FLNC: variants seen among roughly 807,000 people sequenced by gnomAD.
FLNC encodes the protein filamin-C.
A neutral mutation model predicts 254.3 loss-of-function variants in FLNC; 91 were observed. That is an observed-to-expected ratio of 0.36 (90% CI 0.30 to 0.43). The LOEUF (loss-of-function observed/expected upper bound fraction) is 0.43. Among genes scored for constraint, FLNC ranks in the 20% least tolerant of loss-of-function variants. The pLI is 1.00. For synonymous variants in FLNC, 1,430 were observed against 1,577.2 expected (o/e 0.91, Z 2.21); for missense variants, 2,853 against 3,802.6 (o/e 0.75, Z 6.57).
At chr7:128,853,105 C>A in intron 37 of FLNC, 74 bp downstream of exon 37, 2 of 1,399,766 alleles carry the variant, frequency 1.4e-6, no homozygotes, top group Non-Finnish European at 2.0e-6. Flanking sequence ...CTGCCCAGCA[C>A]CCCCTTGGCC....
At chr7:128,832,287 G>C (rs1269563504) in intron 1 of FLNC, among the ~76,000 whole-genome samples, 1 of 152,256 alleles carries the variant, frequency 6.6e-6, no homozygotes, top group East Asian at 1.9e-4. Flanking sequence ...AGATGTCTCT[G>C]AGCTTTCCAG....
At chr7:128,837,302 G>A (rs774154344) in intron 3 of FLNC, 45 bp downstream of exon 3, 9 of 1,604,628 alleles carry the variant, frequency 5.6e-6, no homozygotes, top group Non-Finnish European at 7.7e-6. Context: ...CAGGGGCAGA[G>A]GTTGGGTCTG....
chr7:128,854,430 G>C lies in FLNC; in HGVS notation c.6745G>C (p.Asp2249His). The C allele has an allele frequency of 6.2e-7, 1 of 1,610,700 alleles. No homozygotes were observed. Among genetic ancestry groups the C allele is most frequent in the Non-Finnish European group, 8.5e-7 (1 of 1,178,930 alleles). The change falls in exon 41 of 48, where the codon GAC becomes CAC. Residue 2249 changes from aspartate (D) to histidine (H), a missense_variant. Around this residue, in one of 10 missense-constraint regions of FLNC, gnomAD observed 551 missense variants for 835.0 expected, o/e 0.66. Coordinates refer to ENST00000325888, the MANE Select transcript of FLNC (RefSeq NM_001458.5). ...RQQEGEASSQ[D>H]MTAQVTSPSG... Reference sequence around the variant, plus strand: ...CCCTGCAGGTGAGGCCAGCTCTCAGGACATGACTGCACAGGTGACCAGCCC... The same window carrying C: ...CCCTGCAGGTGAGGCCAGCTCTCAGCACATGACTGCACAGGTGACCAGCCC...
chr7:128,830,940 C>T lies in FLNC; in HGVS notation c.303C>T (p.Ser101=), dbSNP rs1476261286. The T allele has an allele frequency of 6.2e-7, 1 of 1,612,134 alleles. No individual in the cohort carries two copies. Among genetic ancestry groups the T allele is most frequent in the Non-Finnish European group, 8.5e-7 (1 of 1,179,960 alleles). Residue 101 remains serine (S), a synonymous_variant, in exon 1 of 48, where the codon TCC becomes TCT. Transcript: ENST00000325888. ...GCCAAATGAAGCTGGAGAACGTGTC[C>T]GTGGCCCTCGAGTTCCTCGAGCGCG... ...NFRQMKLENV[S]VALEFLEREH... is the part of the protein sequence containing the mutation.
At chr7:128,851,871 T>A (rs879274416) in intron 35 of FLNC, among the ~76,000 whole-genome samples, 1 of 152,232 alleles carries the variant, frequency 6.6e-6, no homozygotes. Flanking sequence ...TCATTTGTTT[T>A]GTTTTTGTTT....
chr7:128,843,711 C>T (rs1585158840), intron 18 of FLNC, 85 bp from the exon 19 acceptor site: 1 of 1,495,140 alleles, frequency 6.7e-7, no homozygotes, highest in East Asian at 2.3e-5. Flanking sequence ...CATGGTGGAT[C>T]TGAGCTTCAG....
In FLNC at chr7:128,854,397, C is replaced by T. The variant is rs781170154; in HGVS notation, c.6728-16C>T. 10 of 1,607,148 alleles carry T rather than the reference C, an allele frequency of 6.2e-6. No homozygotes were observed. In the East Asian group the frequency reaches 2.0e-4, roughly 32 times the overall value. ...AGGAATCCCAGTGTTGCCCTGACAT[C>T]CCCCAAACCCTGCAGGTGAGGCCAG... On this transcript the variant is annotated splice_polypyrimidine_tract_variant and intron_variant, in intron 40 of 47. Coordinates refer to ENST00000325888, the MANE Select transcript of FLNC (RefSeq NM_001458.5).
rs1455396332 is a variant in FLNC, at chr7:128,837,167, C to A, written c.609C>A (p.Cys203Ter). ...ALVDNCAPGL[C>*]PDWEAWDPNQ... ...CCTCCATCACCTCTCCAGGTCTCTG[C>A]CCCGACTGGGAGGCCTGGGACCCCA... is the stretch of plus-strand genomic sequence containing the variant. The change falls in exon 3 of 48, where the codon TGC (cysteine) becomes TGA (stop). Residue 203 changes from cysteine to a stop codon, truncating the protein, a stop_gained. Transcript: ENST00000325888. LOFTEE classifies it high-confidence loss of function. 1 of 1,599,472 alleles carries A rather than the reference C, an allele frequency of 6.3e-7. No homozygotes were observed. The highest frequency in any genetic ancestry group is 8.5e-7 in the Non-Finnish European group (1 of 1,173,452).
chr7:128,842,405 C>T lies in FLNC; in HGVS notation c.2265+31C>T. On this transcript the variant is annotated intron_variant, in intron 14 of 47. Transcript: ENST00000325888. The surrounding 1 kb of genome is among the most constrained non-coding windows in gnomAD (Gnocchi z 5.4). ...TCCTCCCGGCCTGCCCCGTGCCCACCACCAGGGGTCCCTGAGGGAGGGCGG... is the reference window on the plus strand; with the variant it reads ...TCCTCCCGGCCTGCCCCGTGCCCACTACCAGGGGTCCCTGAGGGAGGGCGG... 9 of 1,613,116 alleles carry T rather than the reference C, an allele frequency of 5.6e-6. No homozygotes were observed. Among genetic ancestry groups the T allele is most frequent in the Non-Finnish European group, 7.6e-6 (9 of 1,179,910 alleles).
Position 128,847,805 on chromosome 7 carries a change from C to A in FLNC, c.4397C>A (p.Thr1466Lys). 1 of 1,613,792 alleles carries A rather than the reference C, an allele frequency of 6.2e-7. No homozygotes were observed. The highest frequency in any genetic ancestry group is 1.1e-5 in the South Asian group (1 of 91,070). Reference protein sequence around the residue: ...GVRARVPQTFTVDCSQAGRAP... With the variant: ...GVRARVPQTFKVDCSQAGRAP... The stretch of plus-strand genomic sequence containing the variant: ...AGGGCCCGGGTTCCTCAGACCTTCA[C>A]AGTGGATTGCAGTCAAGCTGGCCGG... The change falls in exon 25 of 48, where the codon ACA becomes AAA. Residue 1466 changes from threonine to lysine, a missense_variant. Coordinates refer to ENST00000325888, the MANE Select transcript of FLNC (RefSeq NM_001458.5).
At chr7:128,840,227 T>G (rs1585155393) in intron 9 of FLNC, 67 bp downstream of exon 9, 1 of 1,584,174 alleles carries the variant, frequency 6.3e-7, no homozygotes, top group Admixed American at 1.7e-5. Context: ...TGGCCAGTGG[T>G]TCTGACTCCC....
rs759774566 is a variant in FLNC at position 128,854,166 on chromosome 7, T to A, written c.6677T>A (p.Leu2226Gln). ...TTCCCTGCTGTGTTTGGGGACTTCCTGGGCCGGGAGCGCCTGGGATCCTTC... is the reference window on the plus strand; with the variant it reads ...TTCCCTGCTGTGTTTGGGGACTTCCAGGGCCGGGAGCGCCTGGGATCCTTC... ...DPFPAVFGDFLGRERLGSFGS... is the reference protein window; with the variant it reads ...DPFPAVFGDFQGRERLGSFGS... The change falls in exon 40 of 48, where the codon CTG becomes CAG. Residue 2226 changes from leucine to glutamine, a missense_variant. Around this residue, in one of 10 missense-constraint regions of FLNC, gnomAD observed 551 missense variants for 835.0 expected, o/e 0.66. Coordinates refer to ENST00000325888, the MANE Select transcript of FLNC (RefSeq NM_001458.5). 2.5e-6 allele frequency: 4 copies of A among 1,610,692 alleles called. No homozygotes were observed. Among genetic ancestry groups the A allele is most frequent in the Non-Finnish European group, 1.7e-6 (2 of 1,178,742 alleles).
intron 1 of FLNC, among the ~76,000 whole-genome samples, chr7:128,834,128 C>T (rs1396623740): frequency 1.3e-5 from 2 of 152,204 alleles, no homozygotes; most frequent in Non-Finnish European, 2.9e-5. Context: ...TCTCGGGCAA[C>T]ATCAGTAAAC....
chr7:128,832,571 A>C (rs1807937119), intron 1 of FLNC, among the ~76,000 whole-genome samples: 1 of 152,216 alleles, frequency 6.6e-6, no homozygotes, highest in East Asian at 1.9e-4. Context: ...GTCCTTCCTG[A>C]GCACACCTCT....
chr7:128,851,501 C>T lies in FLNC; in HGVS notation c.5715C>T (p.Thr1905=). 4 of 1,614,018 alleles carry T rather than the reference C, an allele frequency of 2.5e-6. No individual in the cohort carries two copies. The highest frequency in any genetic ancestry group is 3.4e-6 in the Non-Finnish European group (4 of 1,180,040). Residue 1905 remains threonine, a synonymous_variant, in exon 35 of 48, where the codon ACC becomes ACT. Coordinates refer to ENST00000325888, the MANE Select transcript of FLNC (RefSeq NM_001458.5). ...AGGGCCCATCCAAGGCAGAGATCACCTGTAAGGACAACAAGGATGGCACCT... is the reference window on the plus strand; with the variant it reads ...AGGGCCCATCCAAGGCAGAGATCACTTGTAAGGACAACAAGGATGGCACCT... The part of the protein sequence containing the change: ...AVEGPSKAEI[T]CKDNKDGTCT...
chr7:128,846,964 C>T, intron 24 of FLNC, 59 bp downstream of exon 24: 1 of 1,590,794 alleles, frequency 6.3e-7, no homozygotes, highest in Non-Finnish European at 8.6e-7. Flanking sequence ...AGGATGCTCG[C>T]CCCACAAGGG....
chr7:128,839,129 A>G (rs948674288), intron 8 of FLNC, among the ~76,000 whole-genome samples: 6 of 152,242 alleles, frequency 3.9e-5, no homozygotes, highest in African/African-American at 1.4e-4. Context: ...ATCGTCCACC[A>G]GGCCGAGAGT....
Position 128,858,192 on chromosome 7 carries a change from C to T in FLNC, c.7965C>T (p.Ser2655=). The T allele has an allele frequency of 1.3e-6, 2 of 1,521,646 alleles. No individual in the cohort carries two copies. 94.3% of individuals were successfully genotyped at this position (1,521,646 alleles called of 1,614,324 possible). Residue 2655 remains serine (S), a synonymous_variant, in exon 47 of 48, where the codon TCC becomes TCT. Coordinates refer to ENST00000325888, the MANE Select transcript of FLNC (RefSeq NM_001458.5). The surrounding 1 kb of genome is among the most constrained non-coding windows in gnomAD (Gnocchi z 6.7). ...LSQAFVGQKN[S]FTVDCSKAGT... ...AGGCCTTCGTGGGCCAGAAGAACTC[C>T]TTCACCGTGGACTGCAGCAAAGCAG...
Position 128,837,162 on chromosome 7 carries a change from C to A in FLNC, c.604C>A (p.Leu202Ile). Reference sequence around the variant, plus strand: ...GTCTCCCTCCATCACCTCTCCAGGTCTCTGCCCCGACTGGGAGGCCTGGGA... The same window carrying A: ...GTCTCCCTCCATCACCTCTCCAGGTATCTGCCCCGACTGGGAGGCCTGGGA... ...GALVDNCAPG[L>I]CPDWEAWDPN... is the part of the protein sequence containing the mutation. Residue 202 changes from leucine (L) to isoleucine (I), a missense_variant and splice_region_variant, in exon 3 of 48, where the codon CTC becomes ATC. Physicochemically the swap from Leu to Ile is conservative, Grantham distance 5. Transcript: ENST00000325888. The A allele has an allele frequency of 6.3e-7, 1 of 1,597,750 alleles. No homozygotes were observed. The highest frequency in any genetic ancestry group is 1.3e-5 in the African/African-American group (1 of 74,726).
Sources: gnomAD v4.1 joint callset for allele counts (sites outside exome capture counted in the v4.1 genomes callset) on GRCh38, gnomAD v4.1.1 for gene constraint, gnomAD v4.1.1 regional missense constraint, Gnocchi (gnomAD v3.1) non-coding constraint, MANE v1.5 for transcripts, NCBI Gene and HGNC (gene_info 2026-07-23, HGNC 2026-07-21) for gene names.